HNF4G: variants seen among roughly 807,000 people sequenced by gnomAD.
HNF4G encodes the protein hepatocyte nuclear factor 4-gamma.
Under a neutral mutation model 50.9 loss-of-function variants are expected in HNF4G, and 21 were observed. That is an observed-to-expected ratio of 0.41 (90% CI 0.29 to 0.59). HNF4G has a LOEUF of 0.59. Ranked by LOEUF, HNF4G falls within the 20% of genes least tolerant of loss-of-function variation. HNF4G has a pLI of 0.26. For missense variants in HNF4G, 527 were observed against 559.4 expected (o/e 0.94, Z 0.58); for synonymous variants, 198 against 185.6 (o/e 1.07, Z -0.54).
intron 1 of HNF4G, among the ~76,000 whole-genome samples, chr8:75,485,400 C>A (rs546934554): frequency 3.5e-4 from 54 of 152,190 alleles, no homozygotes; most frequent in African/African-American, 1.3e-3. Context: ...TTTTTCTGAA[C>A]AATTTAACCC....
chr8:75,496,361 A>G (rs1679491995), intron 2 of HNF4G, among the ~76,000 whole-genome samples: 1 of 151,900 alleles, frequency 6.6e-6, no homozygotes, highest in Non-Finnish European at 1.5e-5. Flanking sequence ...ATATCTTAAT[A>G]TAATATATTT....
At chr8:75,522,573 T>C (rs1515013) in intron 2 of HNF4G, among the ~76,000 whole-genome samples, 60,228 of 151,958 alleles carry the variant, frequency 0.4, 12,209 homozygotes, top group Middle Eastern at 0.58. Flanking sequence ...TTAGATCATT[T>C]TTTGTTGTGG....
Position 75,558,529 on chromosome 8 carries a change from G to C in HNF4G, c.745G>C (p.Val249Leu), listed in dbSNP as rs771135387. The part of the protein sequence containing the change: ...KDILLLGNNY[V>L]IHRNSCEVEI... Reference sequence around the variant, plus strand: ...TTTCTCTCTCATAGGAAACAACTATGTTATTCACCGCAACAGCTGTGAAGT... The same window carrying C: ...TTTCTCTCTCATAGGAAACAACTATCTTATTCACCGCAACAGCTGTGAAGT... The change falls in exon 7 of 10, where the codon GTT becomes CTT. Residue 249 changes from valine to leucine, a missense_variant. Coordinates refer to ENST00000396423, the MANE Select transcript of HNF4G (RefSeq NM_004133.5). 3.1e-6 allele frequency: 5 copies of C among 1,612,044 alleles called. No homozygotes were observed. The Admixed American group carries it at 8.4e-5, about 27-fold the overall frequency.
intron 2 of HNF4G, among the ~76,000 whole-genome samples, chr8:75,532,355 A>G (rs1197835067): frequency 1.3e-5 from 2 of 152,114 alleles, no homozygotes; most frequent in Non-Finnish European, 2.9e-5. Flanking sequence ...AAAAATAATA[A>G]TGATTAATAC....
chr8:75,499,345 A>G (rs969772678), intron 2 of HNF4G, among the ~76,000 whole-genome samples: 2 of 152,116 alleles, frequency 1.3e-5, no homozygotes, highest in African/African-American at 2.4e-5. Context: ...ACTGTACACT[A>G]AAAACTACAA....
rs947614902 is a variant in HNF4G, at chr8:75,566,497, A to G, written c.*2401A>G. The G allele has an allele frequency of 6.6e-6, 1 of 152,524 alleles. No individual in the cohort carries two copies. Among genetic ancestry groups the G allele is most frequent in the Non-Finnish European group, 1.5e-5 (1 of 68,022 alleles). The allele number at this position is 152,524 out of a possible 1,614,324, so 9.4% of individuals were successfully genotyped here. ...TAGTAATGATTCTGCTTCAATAACTATGGTCAGGGAATTTATAATATTATA... is the reference window on the plus strand; with the variant it reads ...TAGTAATGATTCTGCTTCAATAACTGTGGTCAGGGAATTTATAATATTATA... On this transcript the variant is annotated 3_prime_UTR_variant, in exon 10 of 10. Coordinates refer to ENST00000396423, the MANE Select transcript of HNF4G (RefSeq NM_004133.5).
intron 1 of HNF4G, among the ~76,000 whole-genome samples, chr8:75,480,165 A>G (rs1812342837): frequency 6.6e-6 from 1 of 152,256 alleles, no homozygotes; most frequent in Non-Finnish European, 1.5e-5. Flanking sequence ...GTTCCTCAAG[A>G]ATTAATAATA....
intron 2 of HNF4G, among the ~76,000 whole-genome samples, chr8:75,499,195 A>G (rs1464955440): frequency 6.6e-6 from 1 of 152,112 alleles, no homozygotes; most frequent in Non-Finnish European, 1.5e-5. Flanking sequence ...GGATAGATAC[A>G]AGGTTAATAT....
intron 1 of HNF4G, among the ~76,000 whole-genome samples, chr8:75,448,295 A>C (rs1328279042): frequency 1.4e-5 from 1 of 71,832 alleles, no homozygotes; most frequent in South Asian, 5.6e-4. Flanking sequence ...GGGTGGGGGG[A>C]GGGGGGAGGG....
intron 2 of HNF4G, among the ~76,000 whole-genome samples, chr8:75,520,196 A>G (rs903313277): frequency 2.6e-5 from 4 of 152,142 alleles, no homozygotes; most frequent in Non-Finnish European, 4.4e-5. Context: ...TACCTCAACC[A>G]TATAATTGTT....
At chr8:75,409,006 C>T (rs1470859876) in intron 1 of HNF4G, among the ~76,000 whole-genome samples, 1 of 152,092 alleles carries the variant, frequency 6.6e-6, no homozygotes, top group Admixed American at 6.5e-5. Context: ...ACCGTTTTTC[C>T]TTAGGAGTCC....
At chr8:75,423,902 C>T (rs1451461991) in intron 1 of HNF4G, among the ~76,000 whole-genome samples, 2 of 127,720 alleles carry the variant, frequency 1.6e-5, no homozygotes, top group South Asian at 2.7e-4. Flanking sequence ...TGGTGCACTG[C>T]AACCTCAACT....
chr8:75,480,717 C>CT (rs748221253), intron 1 of HNF4G, among the ~76,000 whole-genome samples: 44,946 of 122,512 alleles, frequency 0.37, 8,420 homozygotes, highest in Middle Eastern at 0.49. Flanking sequence ...TTTTCTTTTT[C>CT]TTTCTTTTTT....
chr8:75,442,042 A>C (rs1273791026), intron 1 of HNF4G, among the ~76,000 whole-genome samples: 1 of 152,218 alleles, frequency 6.6e-6, no homozygotes, highest in Non-Finnish European at 1.5e-5. Flanking sequence ...TTCGGGAAAA[A>C]AATCAAGTCA....
chr8:75,557,602 T>C (rs1019411841), intron 6 of HNF4G, among the ~76,000 whole-genome samples: 2 of 152,064 alleles, frequency 1.3e-5, no homozygotes, highest in African/African-American at 4.8e-5. Flanking sequence ...GCCTGGGCGA[T>C]AGAGACTCCA....
At chr8:75,517,338 G>A (rs1180999700) in intron 2 of HNF4G, among the ~76,000 whole-genome samples, 2 of 151,992 alleles carry the variant, frequency 1.3e-5, no homozygotes, top group South Asian at 2.1e-4. Flanking sequence ...GTCCCCCAAA[G>A]TCTTATCTCA....
chr8:75,560,227 A>G (rs1807266749), intron 8 of HNF4G, 117 bp from the exon 9 acceptor site: 2 of 1,056,986 alleles, frequency 1.9e-6, no homozygotes, highest in South Asian at 2.8e-5. Flanking sequence ...TTGAATTCCC[A>G]AAAAGCACTT....
At chr8:75,554,133 G>A (rs2130806083) in intron 5 of HNF4G, among the ~76,000 whole-genome samples, 1 of 152,192 alleles carries the variant, frequency 6.6e-6, no homozygotes, top group East Asian at 1.9e-4. Flanking sequence ...AAAATGCTCT[G>A]TAACTGCCTT....
intron 1 of HNF4G, among the ~76,000 whole-genome samples, chr8:75,463,367 A>T (rs1257418930): frequency 2.6e-5 from 4 of 152,054 alleles, no homozygotes; most frequent in African/African-American, 9.7e-5. Context: ...GGGAACTCCT[A>T]ACTGTTGGGT....
Sources: gnomAD v4.1 joint callset for allele counts (sites outside exome capture counted in the v4.1 genomes callset) on GRCh38, gnomAD v4.1.1 for gene constraint, MANE v1.5 for transcripts, NCBI Gene and HGNC (gene_info 2026-07-23, HGNC 2026-07-21) for gene names.